PCDH7: variants seen among roughly 807,000 people sequenced by gnomAD.
PCDH7 encodes the protein protocadherin 7, also known as protocadherin-7.
A neutral mutation model predicts 58.9 loss-of-function variants in PCDH7; 17 were observed. The ratio of observed to expected loss-of-function variants is 0.29; its 90% CI spans 0.20 to 0.43. PCDH7 has a LOEUF of 0.43. Among genes scored for constraint, PCDH7 ranks in the 20% least tolerant of loss-of-function variants. The probability of loss-of-function intolerance (pLI) is 1.00; values close to 1 mark genes in which losing one functional copy is unlikely to be tolerated. For synonymous variants in PCDH7, 664 were observed against 616.4 expected (o/e 1.08, Z -1.14); for missense variants, 1,274 against 1,441.0 (o/e 0.88, Z 1.88).
At chr4:31,029,208 A>G (rs769656430) in intron 3 of PCDH7, among the ~76,000 whole-genome samples, 9 of 152,200 alleles carry the variant, frequency 5.9e-5, no homozygotes, top group Non-Finnish European at 1.3e-4. Context: ...TTAATGCATC[A>G]CAAGCAACTG....
chr4:30,793,724 A>C (rs2109300733), intron 1 of PCDH7, among the ~76,000 whole-genome samples: 1 of 152,236 alleles, frequency 6.6e-6, no homozygotes, highest in African/African-American at 2.4e-5. Context: ...AGCATATGTA[A>C]CTATGTGTGC....
intron 3 of PCDH7, among the ~76,000 whole-genome samples, chr4:30,979,585 C>T (rs1017126449): frequency 3.3e-5 from 5 of 151,678 alleles, no homozygotes; most frequent in Non-Finnish European, 7.4e-5. Flanking sequence ...GAAATTTTTG[C>T]ACTCTCAAAC....
chr4:30,733,149 G>A (rs770250962), downstream of PCDH7, among the ~76,000 whole-genome samples: 20 of 152,198 alleles, frequency 1.3e-4, no homozygotes, highest in Admixed American at 5.2e-4. Context: ...GGAGGTGCCT[G>A]TGGACAACGG....
At chr4:31,075,696 A>T (rs1469175973) in intron 3 of PCDH7, among the ~76,000 whole-genome samples, 1 of 152,162 alleles carries the variant, frequency 6.6e-6, no homozygotes, top group Non-Finnish European at 1.5e-5. Context: ...TGACTATCTG[A>T]TATGGGCCCT....
intron 3 of PCDH7, among the ~76,000 whole-genome samples, chr4:31,057,844 ATACT>A (rs1259378649): frequency 6.6e-6 from 1 of 152,106 alleles, no homozygotes; most frequent in Non-Finnish European, 1.5e-5. Flanking sequence ...TCCTTGTAAG[ATACT>A]TACTCTCTTA....
downstream of PCDH7, chr4:31,145,144 T>C (rs1387938013): frequency 6.6e-6 from 1 of 152,008 alleles, no homozygotes; most frequent in African/African-American, 2.4e-5. Flanking sequence ...CTCTTGTCTA[T>C]AAAACTAATA....
chr4:30,885,080 C>T (rs139053875), intron 1 of PCDH7: 5 of 152,222 alleles, frequency 3.3e-5, no homozygotes, highest in African/African-American at 1.2e-4. Context: ...GAGAATCTGC[C>T]TCACATTCAT....
chr4:30,859,925 G>A (rs993297223), intron 1 of PCDH7, among the ~76,000 whole-genome samples: 27 of 152,134 alleles, frequency 1.8e-4, no homozygotes, highest in Non-Finnish European at 8.8e-5. Context: ...TTGAACAGAA[G>A]TTCAGAAGAA....
intron 3 of PCDH7, among the ~76,000 whole-genome samples, chr4:30,980,757 A>G (rs1211834636): frequency 6.6e-6 from 1 of 152,224 alleles, no homozygotes; most frequent in Non-Finnish European, 1.5e-5. Context: ...TTTAAAAGTG[A>G]AATCAATTTT....
chr4:30,782,464 G>C (rs1722925503), intron 1 of PCDH7, among the ~76,000 whole-genome samples: 1 of 152,082 alleles, frequency 6.6e-6, no homozygotes, highest in African/African-American at 2.4e-5. Flanking sequence ...GACTTTTTGA[G>C]GTTAAATTAG....
intron 3 of PCDH7, among the ~76,000 whole-genome samples, chr4:31,113,141 A>C (rs536045354): frequency 6.6e-6 from 1 of 152,200 alleles, no homozygotes; most frequent in Non-Finnish European, 1.5e-5. Flanking sequence ...TTTATTGGAA[A>C]ATTTTTGAGT....
rs187907003 is a variant in PCDH7 at position 31,136,566 on chromosome 4, A to T, written c.*8-5907A>T. 2.7e-3 allele frequency among the ~76,000 whole-genome samples: 413 copies of T among 152,302 alleles called. 3 individuals carry two copies. Among genetic ancestry groups the T allele is most frequent in the Non-Finnish European group, 2.9e-3 (197 of 68,022 alleles). On this transcript the variant is annotated intron_variant, in intron 3 of 3. Coordinates refer to the PCDH7 transcript ENST00000509759. ...AAATCAAGTGATCCTGTAATAAATT[A>T]AAAAACTCTTTGGAAATCTTAATGG... is the stretch of plus-strand genomic sequence containing the variant.
At chr4:30,931,470 G>A (rs929109626) in intron 2 of PCDH7, among the ~76,000 whole-genome samples, 1 of 152,100 alleles carries the variant, frequency 6.6e-6, no homozygotes, top group Non-Finnish European at 1.5e-5. Context: ...AGCTACGCGG[G>A]AGGCTGAGAC....
intron 1 of PCDH7, among the ~76,000 whole-genome samples, chr4:30,776,858 G>GGTGT (rs57657077): frequency 0.058 from 8,526 of 147,626 alleles, 431 homozygotes; most frequent in East Asian, 0.22. Context: ...TTTGATATGT[G>GGTGT]GTGTGTGTGT....
chr4:30,945,272 A>T (rs765731944), intron 2 of PCDH7, among the ~76,000 whole-genome samples: 1 of 152,068 alleles, frequency 6.6e-6, no homozygotes, highest in Admixed American at 6.6e-5. Flanking sequence ...CATGTATATT[A>T]TCTCAAATCC....
At chr4:31,133,417 A>T (rs529091016) in intron 3 of PCDH7, among the ~76,000 whole-genome samples, 1 of 152,340 alleles carries the variant, frequency 6.6e-6, no homozygotes, top group South Asian at 2.1e-4. Flanking sequence ...GAAAGCTATG[A>T]TTATTTCAGT....
chr4:30,783,541 C>T (rs1040699716), intron 1 of PCDH7, among the ~76,000 whole-genome samples: 1 of 152,068 alleles, frequency 6.6e-6, no homozygotes, highest in African/African-American at 2.4e-5. Flanking sequence ...TGAAGCATAC[C>T]TAATAAAAAT....
intron 3 of PCDH7, among the ~76,000 whole-genome samples, chr4:31,008,059 G>A (rs1752915050): frequency 6.6e-6 from 1 of 152,078 alleles, no homozygotes; most frequent in Non-Finnish European, 1.5e-5. Context: ...AACAGAAACA[G>A]TCAGAAAATT....
At chr4:30,813,409 C>T (rs9291553) in intron 1 of PCDH7, among the ~76,000 whole-genome samples, 96,632 of 151,940 alleles carry the variant, frequency 0.64, 32,944 homozygotes, top group African/African-American at 0.9. Context: ...TTTATTCACT[C>T]AAGAAAATGT....
Sources: allele counts gnomAD v4.1 joint callset (sites outside exome capture counted in the v4.1 genomes callset), GRCh38; gene constraint gnomAD v4.1.1; transcripts MANE v1.5; gene names NCBI Gene and HGNC (gene_info 2026-07-23, HGNC 2026-07-21).